Variants in RNLS observed in about 807,000 individuals in gnomAD.
RNLS encodes renalase.
Under a neutral mutation model 39.8 loss-of-function variants are expected in RNLS, and 39 were observed. The ratio of observed to expected loss-of-function variants is 0.98; its 90% CI spans 0.76 to 1.28. RNLS has a LOEUF of 1.28. RNLS is among the 50% of genes most tolerant of loss of function. The pLI, the probability that RNLS is intolerant of heterozygous loss-of-function variation, is 0.00. For missense variants in RNLS, 410 were observed against 413.3 expected, an observed-to-expected ratio of 0.99 and a Z score of 0.07; for synonymous variants, 147 against 150.7, an observed-to-expected ratio of 0.98 and a Z score of 0.18.
At chr10:88,314,391 G>T (rs1845599705) in intron 6 of RNLS, 75 bp downstream of exon 6, 15 of 1,465,774 alleles carry the variant, frequency 1.0e-5, no homozygotes, top group Non-Finnish European at 1.1e-5. Flanking sequence ...GAGTGCAAAG[G>T]ATAAAGAAGT....
chr10:88,181,190 T>C, the RNLS span, among the ~76,000 whole-genome samples: 250 of 152,298 alleles, frequency 1.6e-3, no homozygotes, highest in Non-Finnish European at 2.7e-3. Context: ...ATCAGGGAGC[T>C]GTGATGTGAG....
At chr10:88,536,379 G>A (rs2134262931) in intron 4 of RNLS, among the ~76,000 whole-genome samples, 1 of 152,186 alleles carries the variant, frequency 6.6e-6, no homozygotes, top group African/African-American at 2.4e-5. Flanking sequence ...AATCACTACA[G>A]TCTTCTTCCT....
chr10:88,240,514 G>A, the RNLS span, among the ~76,000 whole-genome samples: 2 of 151,874 alleles, frequency 1.3e-5, no homozygotes, highest in African/African-American at 2.4e-5. Flanking sequence ...TCTTCAAACT[G>A]TATTTTCTAT....
intron 4 of RNLS, among the ~76,000 whole-genome samples, chr10:88,369,385 T>C (rs555071371): frequency 6.6e-6 from 1 of 152,244 alleles, no homozygotes; most frequent in African/African-American, 2.4e-5. Context: ...GGTCAATTGG[T>C]GACATAGGCA....
At position 88,444,323 on chromosome 10, in the gene RNLS, G is replaced by A. The variant is rs561229499; in HGVS notation, c.527-81598C>T. On this transcript the variant is annotated intron_variant, in intron 4 of 6. Coordinates refer to ENST00000331772, the MANE Select transcript of RNLS (RefSeq NM_001031709.3). Reference sequence around the variant, plus strand: ...ATCCACACCAAAACCCCACCTGTACGTCACCATCATCAAAGACCAAAGGTA... The same window carrying A: ...ATCCACACCAAAACCCCACCTGTACATCACCATCATCAAAGACCAAAGGTA... Among the ~76,000 whole-genome samples the A allele has an allele frequency of 1.2e-3, 180 of 152,176 alleles. 1 individual carries two copies. Among genetic ancestry groups the A allele is most frequent in the African/African-American group, 4.0e-3 (165 of 41,512 alleles).
At chr10:88,510,985 T>C (rs191985940) in intron 4 of RNLS, among the ~76,000 whole-genome samples, 1 of 147,358 alleles carries the variant, frequency 6.8e-6, no homozygotes, top group African/African-American at 2.5e-5. Flanking sequence ...GAAGACAATA[T>C]GAGGCCCAGG....
chr10:88,343,857 G>A, intron 5 of RNLS: 15 of 969,680 alleles, frequency 1.5e-5, no homozygotes, highest in Non-Finnish European at 1.8e-5. Flanking sequence ...TAATTGAAAC[G>A]TCCCTGGAGC....
chr10:88,276,617 T>C (rs1467682194), intron 6 of RNLS, among the ~76,000 whole-genome samples: 1 of 152,176 alleles, frequency 6.6e-6, no homozygotes, highest in Non-Finnish European at 1.5e-5. Context: ...TTTCCACTGA[T>C]TTGTATCAAT....
chr10:88,523,133 T>C (rs1846860988), intron 4 of RNLS, among the ~76,000 whole-genome samples: 1 of 152,086 alleles, frequency 6.6e-6, no homozygotes, highest in Admixed American at 6.6e-5. Flanking sequence ...AATCATCACA[T>C]ACAGTTAAGT....
the RNLS span, among the ~76,000 whole-genome samples, chr10:88,199,778 C>T: frequency 6.6e-6 from 1 of 152,124 alleles, no homozygotes; most frequent in Non-Finnish European, 1.5e-5. Context: ...CGAAGTCATT[C>T]CCCCAAAAAA....
chr10:88,421,846 T>C (rs1346451487), intron 4 of RNLS, among the ~76,000 whole-genome samples: 1 of 152,192 alleles, frequency 6.6e-6, no homozygotes, highest in Non-Finnish European at 1.5e-5. Flanking sequence ...TTCTTCCACC[T>C]AGAACATTCT....
At chr10:88,358,242 T>TA (rs1200452712) in intron 5 of RNLS, among the ~76,000 whole-genome samples, 2 of 152,084 alleles carry the variant, frequency 1.3e-5, no homozygotes, top group East Asian at 1.9e-4. Context: ...CTTTCATTTC[T>TA]AAAAAAAATC....
Position 88,496,386 on chromosome 10 carries a change from C to T in RNLS, c.526+76517G>A, listed in dbSNP as rs188325192. On this transcript the variant is annotated intron_variant, in intron 4 of 6. Coordinates refer to ENST00000331772, the MANE Select transcript of RNLS (RefSeq NM_001031709.3). ...CCTGGCAAATGCTAAACCCAGTGCACGCTTCAGGAATGCCATAGCAGAAGG... is the reference window on the plus strand; with the variant it reads ...CCTGGCAAATGCTAAACCCAGTGCATGCTTCAGGAATGCCATAGCAGAAGG... Among the ~76,000 whole-genome samples the T allele has an allele frequency of 7.0e-4, 107 of 152,206 alleles. 1 individual carries two copies. Among genetic ancestry groups the T allele is most frequent in the African/African-American group, 2.2e-3 (91 of 41,550 alleles).
chr10:88,366,445 G>GGT (rs1850104599), intron 4 of RNLS, among the ~76,000 whole-genome samples: 1 of 151,388 alleles, frequency 6.6e-6, no homozygotes, highest in African/African-American at 2.4e-5. Flanking sequence ...GAAATATATA[G>GGT]GTGTGTGTGT....
chr10:88,485,306 C>T (rs2134036874), intron 4 of RNLS, among the ~76,000 whole-genome samples: 1 of 151,670 alleles, frequency 6.6e-6, no homozygotes, highest in East Asian at 1.9e-4. Context: ...CGGAAATAGA[C>T]CTATATATAT....
intron 4 of RNLS, among the ~76,000 whole-genome samples, chr10:88,441,287 G>T (rs530755317): frequency 4.6e-5 from 7 of 152,242 alleles, no homozygotes; most frequent in Admixed American, 4.6e-4. Context: ...TTCTATCTAT[G>T]CAGCACTTAT....
intron 4 of RNLS, among the ~76,000 whole-genome samples, chr10:88,461,914 C>T (rs1235320702): frequency 6.6e-6 from 1 of 151,968 alleles, no homozygotes; most frequent in Non-Finnish European, 1.5e-5. Context: ...AAAAGACTTC[C>T]CAAAAGTTTT....
At chr10:88,530,717 T>A (rs1461147861) in intron 4 of RNLS, among the ~76,000 whole-genome samples, 2 of 152,222 alleles carry the variant, frequency 1.3e-5, no homozygotes, top group Non-Finnish European at 2.9e-5. Flanking sequence ...TAACTTTTGA[T>A]AATTCTCATA....
intron 4 of RNLS, among the ~76,000 whole-genome samples, chr10:88,413,533 T>TC (rs1428246681): frequency 6.6e-6 from 1 of 152,202 alleles, no homozygotes; most frequent in Non-Finnish European, 1.5e-5. Flanking sequence ...TCTTACGTCA[T>TC]CCCTGCTTTG....
Sources: gnomAD v4.1 joint callset for allele counts (sites outside exome capture counted in the v4.1 genomes callset) on GRCh38, gnomAD v4.1.1 for gene constraint, MANE v1.5 for transcripts, NCBI Gene and HGNC (gene_info 2026-07-23, HGNC 2026-07-21) for gene names.